ADGRL3: variants seen among roughly 807,000 people sequenced by gnomAD.
ADGRL3 encodes calcium-independent alpha-latrotoxin receptor 3.
A neutral mutation model predicts 153.5 loss-of-function variants in ADGRL3; 62 were observed. The observed-to-expected ratio is 0.40, with a 90% CI of 0.33 to 0.50. ADGRL3 has a LOEUF of 0.50. Ranked by LOEUF, ADGRL3 falls within the 20% of genes least tolerant of loss-of-function variation. The probability of loss-of-function intolerance (pLI) is 0.47; values close to 1 mark genes in which losing one functional copy is unlikely to be tolerated. For synonymous variants in ADGRL3, 710 were observed against 672.5 expected, an observed-to-expected ratio of 1.06 and a Z score of -0.86; for missense variants, 1,641 against 1,859.4, an observed-to-expected ratio of 0.88 and a Z score of 2.16.
chr4:61,346,246 C>G (rs749432574), intron 1 of ADGRL3, among the ~76,000 whole-genome samples: 8 of 151,630 alleles, frequency 5.3e-5, no homozygotes, highest in Non-Finnish European at 8.8e-5. Flanking sequence ...TTGAGTCTCT[C>G]TCTCTCTCTC....
chr4:61,466,102 C>A (rs2097880639), intron 2 of ADGRL3, among the ~76,000 whole-genome samples: 1 of 151,926 alleles, frequency 6.6e-6, no homozygotes, highest in Non-Finnish European at 1.5e-5. Flanking sequence ...CTCTGGGCGA[C>A]AGAGCAAGAC....
intron 1 of ADGRL3, among the ~76,000 whole-genome samples, chr4:61,248,737 A>G (rs1020499620): frequency 1.3e-5 from 2 of 152,182 alleles, no homozygotes; most frequent in African/African-American, 4.8e-5. Context: ...GCCAGTTTTG[A>G]AAATTATTTC....
intron 4 of ADGRL3, among the ~76,000 whole-genome samples, chr4:61,521,949 TA>T (rs796634546): frequency 3.6e-4 from 55 of 152,184 alleles, no homozygotes; most frequent in African/African-American, 1.3e-3. Flanking sequence ...TGATTCTTAA[TA>T]AAAAAATAAT....
At chr4:61,982,173 C>T (rs899777797) in intron 18 of ADGRL3, among the ~76,000 whole-genome samples, 56 of 152,084 alleles carry the variant, frequency 3.7e-4, no homozygotes, top group African/African-American at 1.3e-3. Flanking sequence ...ATTTTTGTTT[C>T]CTGATGTTAT....
intron 4 of ADGRL3, among the ~76,000 whole-genome samples, chr4:61,535,468 A>G (rs962269102): frequency 4.6e-5 from 7 of 152,064 alleles, no homozygotes; most frequent in Non-Finnish European, 8.8e-5. Flanking sequence ...GTTAAAGAGG[A>G]ATACCTTCTC....
At chr4:61,813,625 G>A (rs2097655303) in intron 8 of ADGRL3, among the ~76,000 whole-genome samples, 184 bp from the exon 9 acceptor site, 1 of 152,048 alleles carries the variant, frequency 6.6e-6, no homozygotes, top group Non-Finnish European at 1.5e-5. Flanking sequence ...TGTTGGAAAA[G>A]CACTGCTTTA....
At chr4:61,572,586 T>C (rs539816606) in intron 4 of ADGRL3, among the ~76,000 whole-genome samples, 4 of 152,134 alleles carry the variant, frequency 2.6e-5, no homozygotes, top group Non-Finnish European at 5.9e-5. Context: ...CTTTTTTAAA[T>C]ATATATTTTA....
chr4:61,335,987 T>C (rs2095666714), intron 1 of ADGRL3, among the ~76,000 whole-genome samples: 1 of 152,158 alleles, frequency 6.6e-6, no homozygotes, highest in South Asian at 2.1e-4. Context: ...TCATGGATAA[T>C]TCTAAATTTA....
Position 61,370,101 on chromosome 4 carries a change from C to T in ADGRL3, c.-239-13023C>T, listed in dbSNP as rs528018477. On this transcript the variant is annotated intron_variant, in intron 1 of 26. Transcript: ENST00000683033. ...TCCCCTTTATCATTTTCTATTGCGT[C>T]TATTTGATTCTTCTCTCTTTTTTTC... Among the ~76,000 whole-genome samples the T allele has an allele frequency of 3.3e-3, 504 of 152,166 alleles. 6 individuals are homozygous for T. The highest frequency in any genetic ancestry group is 0.011 in the African/African-American group (474 of 41,506).
rs528539486 is a variant in ADGRL3 at position 61,978,947 on chromosome 4, A to G, written c.2806-616A>G. Among the ~76,000 whole-genome samples the G allele has an allele frequency of 5.3e-5, 8 of 152,338 alleles. No homozygotes were observed. The South Asian group carries it at 8.3e-4, about 16-fold the overall frequency. On this transcript the variant is annotated intron_variant, in intron 17 of 26. Coordinates refer to ENST00000683033, the MANE Select transcript of ADGRL3 (RefSeq NM_001387552.1). Reference sequence around the variant, plus strand: ...TTCAATATGAATATAAATCCAATGAATATCCTAATTCTTTTAGATCTTCCC... The same window carrying G: ...TTCAATATGAATATAAATCCAATGAGTATCCTAATTCTTTTAGATCTTCCC...
rs565977383 is a variant in ADGRL3, at chr4:61,717,982, T to C, written c.584-12640T>C. Among the ~76,000 whole-genome samples, 7 of 152,134 alleles carry C rather than the reference T, an allele frequency of 4.6e-5. No individual in the cohort carries two copies. In the East Asian group the frequency reaches 1.4e-3, roughly 29 times the overall value. ...CTGGGAGGCGGAGGTTGCAGTAACC[T>C]GAGATCAGGCCACTGCACAGCAGCC... is the stretch of plus-strand genomic sequence containing the variant. On this transcript the variant is annotated intron_variant, in intron 6 of 26. Transcript: ENST00000683033.
At chr4:61,791,336 C>G (rs1321869074) in intron 8 of ADGRL3, among the ~76,000 whole-genome samples, 3 of 152,190 alleles carry the variant, frequency 2.0e-5, no homozygotes, top group South Asian at 2.1e-4. Flanking sequence ...AGGCCCCATG[C>G]AAGTCCAAAA....
intron 8 of ADGRL3, among the ~76,000 whole-genome samples, chr4:61,754,735 C>T (rs1461865553): frequency 1.3e-5 from 2 of 152,110 alleles, no homozygotes; most frequent in African/African-American, 4.8e-5. Context: ...CCTCATTTAA[C>T]CTTAGGTATA....
intron 8 of ADGRL3, among the ~76,000 whole-genome samples, chr4:61,742,785 A>G (rs1294108225): frequency 6.6e-6 from 1 of 152,220 alleles, no homozygotes; most frequent in African/African-American, 2.4e-5. Flanking sequence ...TAATTTTACA[A>G]GATGAGGTAT....
chr4:61,265,997 G>C (rs181211239), intron 1 of ADGRL3, among the ~76,000 whole-genome samples: 18 of 151,674 alleles, frequency 1.2e-4, no homozygotes, highest in African/African-American at 4.4e-4. Context: ...TTTGAATTTC[G>C]CATATTTAAG....
chr4:61,371,163 A>C (rs982155351), intron 1 of ADGRL3, among the ~76,000 whole-genome samples: 1 of 150,738 alleles, frequency 6.6e-6, no homozygotes, highest in Non-Finnish European at 1.5e-5. Context: ...CAGCACACTG[A>C]TGGGTCTTGA....
intron 4 of ADGRL3, 45 bp from the exon 5 acceptor site, chr4:61,587,182 A>T: frequency 7.6e-7 from 1 of 1,311,730 alleles, no homozygotes; most frequent in Non-Finnish European, 1.1e-6. Flanking sequence ...TTTCCTTTGT[A>T]TGTAGTAACG....
At chr4:62,007,584 C>G (rs924175230) in intron 21 of ADGRL3, among the ~76,000 whole-genome samples, 6 of 150,162 alleles carry the variant, frequency 4.0e-5, no homozygotes, top group African/African-American at 1.5e-4. Context: ...TCTTAGAGTT[C>G]CATCCAGGAG....
chr4:61,932,989 G>A (rs1234174978), intron 13 of ADGRL3, among the ~76,000 whole-genome samples: 1 of 151,026 alleles, frequency 6.6e-6, no homozygotes, highest in Non-Finnish European at 1.5e-5. Context: ...TTTAAATTAT[G>A]AAAATAAAAA....
Sources: allele counts gnomAD v4.1 joint callset (sites outside exome capture counted in the v4.1 genomes callset), GRCh38; gene constraint gnomAD v4.1.1; transcripts MANE v1.5; gene names NCBI Gene and HGNC (gene_info 2026-07-23, HGNC 2026-07-21).